ZNF235: variants seen among roughly 807,000 people sequenced by gnomAD.
ZNF235 encodes zinc finger protein 235, also known as zfp-93.
ZNF235 carries 25 observed loss-of-function variants against 29.4 expected under a neutral mutation model. The ratio of observed to expected loss-of-function variants is 0.85; its 90% confidence interval spans 0.62 to 1.19. ZNF235 has a LOEUF of 1.19. Among genes scored for constraint, ZNF235 ranks in the 50% most tolerant of loss-of-function variants. ZNF235 has a pLI of 0.00. For missense variants in ZNF235, 788 were observed against 885.0 expected (o/e 0.89, Z 1.39); for synonymous variants, 300 against 295.3 (o/e 1.02, Z -0.16).
Position 44,287,123 on chromosome 19 carries a change from A to T in ZNF235, c.*95T>A. 7.7e-7 allele frequency: 1 copy of T among 1,295,284 alleles called. No homozygotes were observed. 80.2% of individuals were successfully genotyped at this position (1,295,284 alleles called of 1,614,324 possible). On this transcript the variant is annotated 3_prime_UTR_variant, in exon 5 of 5. Coordinates refer to ENST00000291182, the MANE Select transcript of ZNF235 (RefSeq NM_004234.4). ...CCTGTCAAGATTCTTTGAAGCTTCT[A>T]GTTTTAAAGGAACTTTTCACAATCA...
In ZNF235 at chr19:44,296,265, C is replaced by T. The variant is rs143765399; in HGVS notation, c.238+2543G>A. Among the ~76,000 whole-genome samples the T allele has an allele frequency of 4.1e-4, 62 of 152,202 alleles. 1 individual carries two copies. In the East Asian group the frequency reaches 0.01, roughly 25 times the overall value. On this transcript the variant is annotated intron_variant, in intron 4 of 4. Coordinates refer to ENST00000291182, the MANE Select transcript of ZNF235 (RefSeq NM_004234.4). Reference sequence around the variant, plus strand: ...AGGAACAGCAGAAAGTTGATAACTGCTAAGACAGTATGGATATACAGAGTC... The same window carrying T: ...AGGAACAGCAGAAAGTTGATAACTGTTAAGACAGTATGGATATACAGAGTC...
Position 44,289,015 on chromosome 19 carries a change from G to A in ZNF235, c.420C>T (p.Pro140=), listed in dbSNP as rs1975546457. ...TAGATTCTCCTGCTCCCACTTGACA[G>A]GGGGAATCATGGTGCTTGGGGAACT... The part of the protein sequence containing the change: ...SSQFPKHHDS[P]CQVGAGESIQ... Residue 140 remains proline, a synonymous_variant, in exon 5 of 5, where the codon CCC becomes CCT. Coordinates refer to ENST00000291182, the MANE Select transcript of ZNF235 (RefSeq NM_004234.4). The A allele has an allele frequency of 1.9e-6, 3 of 1,614,152 alleles. No individual in the cohort carries two copies. Among genetic ancestry groups the A allele is most frequent in the Non-Finnish European group, 2.5e-6 (3 of 1,180,010 alleles).
Position 44,287,853 on chromosome 19 carries a change from A to C in ZNF235, c.1582T>G (p.Ser528Ala). ...NVCGKGFSQSSYFQAHQRVHT... is the reference protein window; with the variant it reads ...NVCGKGFSQSAYFQAHQRVHT... Reference sequence around the variant, plus strand: ...ACTCTCTGATGTGCTTGAAAGTATGAACTCTGACTGAAGCCTTTCCCACAC... The same window carrying C: ...ACTCTCTGATGTGCTTGAAAGTATGCACTCTGACTGAAGCCTTTCCCACAC... The change falls in exon 5 of 5, where the codon TCA becomes GCA. Residue 528 changes from serine (S) to alanine (A), a missense_variant. Ser to Ala is a moderately conservative substitution (Grantham distance 99). Coordinates refer to ENST00000291182, the MANE Select transcript of ZNF235 (RefSeq NM_004234.4). 1 of 1,613,610 alleles carries C rather than the reference A, an allele frequency of 6.2e-7. No individual in the cohort carries two copies. The highest frequency in any genetic ancestry group is 8.5e-7 in the Non-Finnish European group (1 of 1,179,898).
At chr19:44,303,560 G>A (rs1387016524) in intron 1 of ZNF235, 108 bp from the exon 2 acceptor site, 3 of 952,570 alleles carry the variant, frequency 3.1e-6, no homozygotes, top group East Asian at 2.9e-5. Context: ...GGCAGACACA[G>A]TTGCACACGG....
chr19:44,292,397 C>G (rs1975596773), intron 4 of ZNF235, among the ~76,000 whole-genome samples: 1 of 149,936 alleles, frequency 6.7e-6, no homozygotes, highest in South Asian at 2.1e-4. Flanking sequence ...TTTTAAAAAG[C>G]CAAACAAATA....
intron 4 of ZNF235, chr19:44,290,884 A>G: frequency 6.6e-6 from 1 of 152,592 alleles, no homozygotes; most frequent in Non-Finnish European, 1.5e-5. Context: ...GGTTTTCCAG[A>G]ATGTGCAAAA....
intron 3 of ZNF235, 113 bp from the exon 4 acceptor site, chr19:44,299,016 G>A: frequency 3.0e-6 from 2 of 664,070 alleles, no homozygotes; most frequent in Non-Finnish European, 2.5e-6. Context: ...AATGTTTAGG[G>A]AACATTTTTT....
At chr19:44,304,689 T>A in intron 1 of ZNF235, 4 of 981,188 alleles carry the variant, frequency 4.1e-6, no homozygotes, top group Non-Finnish European at 4.8e-6. Context: ...AAGGAGAGAT[T>A]AAGTAACTTG....
rs1184003090 is a variant in ZNF235, at chr19:44,288,426, G to A, written c.1009C>T (p.His337Tyr). ...GFSQSSNLQTHQRVHTGEKPY... is the reference protein window; with the variant it reads ...GFSQSSNLQTYQRVHTGEKPY... ...TTCTCCCCTGTGTGGACTCTCTGAT[G>A]AGTTTGCAGATTTGAGCTCTGACTG... The change falls in exon 5 of 5, where the codon CAT (histidine) becomes TAT (tyrosine). Residue 337 changes from histidine (H) to tyrosine (Y), a missense_variant. By Grantham distance (83) the His-to-Tyr change is moderately conservative. Transcript: ENST00000291182. 1.9e-6 allele frequency: 3 copies of A among 1,614,078 alleles called. No homozygotes were observed. Among genetic ancestry groups the A allele is most frequent in the Admixed American group, 1.7e-5 (1 of 60,004 alleles).
At chr19:44,294,827 A>C (rs1454957953) in intron 4 of ZNF235, among the ~76,000 whole-genome samples, 1 of 152,212 alleles carries the variant, frequency 6.6e-6, no homozygotes, top group Admixed American at 6.5e-5. Flanking sequence ...AACAGAATTA[A>C]AAACAAAAAC....
intron 1 of ZNF235, 105 bp from the exon 2 acceptor site, chr19:44,303,557 A>G (rs1297008269): frequency 1.0e-6 from 1 of 972,576 alleles, no homozygotes; most frequent in Admixed American, 2.2e-5. Flanking sequence ...CTAGGCAGAC[A>G]CAGTTGCACA....
At chr19:44,295,880 T>C (rs1249341163) in intron 4 of ZNF235, among the ~76,000 whole-genome samples, 2 of 152,158 alleles carry the variant, frequency 1.3e-5, no homozygotes, top group Admixed American at 6.5e-5. Flanking sequence ...TTAATCCATC[T>C]TGAGTTCATT....
rs369962631 is a variant in ZNF235, at chr19:44,298,398, C to CTT, written c.238+408_238+409dup. Reference sequence around the variant, plus strand: ...ACATGATGTGACAGATGTTTTCATTCTTTTTTTTTTTTTCCTGAGACAGAG... The same window carrying CTT: ...ACATGATGTGACAGATGTTTTCATTCTTTTTTTTTTTTTTTCCTGAGACAGAG... On this transcript the variant is annotated intron_variant, in intron 4 of 4. Transcript: ENST00000291182. Among the ~76,000 whole-genome samples, 364 of 145,184 alleles carry CTT rather than the reference C, an allele frequency of 2.5e-3. 3 individuals carry two copies. The highest frequency in any genetic ancestry group is 0.011 in the Middle Eastern group (3 of 278).
At chr19:44,294,211 T>C (rs982882872) in intron 4 of ZNF235, among the ~76,000 whole-genome samples, 6 of 151,874 alleles carry the variant, frequency 4.0e-5, no homozygotes, top group Non-Finnish European at 5.9e-5. Context: ...TAATCAGAAA[T>C]GAATGAGACA....
intron 4 of ZNF235, among the ~76,000 whole-genome samples, chr19:44,293,470 A>G (rs538078327): frequency 1.7e-3 from 260 of 152,206 alleles, no homozygotes; most frequent in Non-Finnish European, 3.1e-3. Context: ...CAGCAATACA[A>G]TAACAGTGGG....
At chr19:44,304,129 T>C (rs889188612) in intron 1 of ZNF235, among the ~76,000 whole-genome samples, 2 of 152,168 alleles carry the variant, frequency 1.3e-5, no homozygotes, top group Non-Finnish European at 2.9e-5. Context: ...ACAGATGTAA[T>C]TACTTGCAAA....
rs990378082 is a variant in ZNF235, at chr19:44,304,807, G to A, written c.-49+164C>T. On this transcript the variant is annotated intron_variant, in intron 1 of 4. Coordinates refer to ENST00000291182, the MANE Select transcript of ZNF235 (RefSeq NM_004234.4). Reference sequence around the variant, plus strand: ...AGGACGACGCGAGCCCGCCTCCCACGCAAGAGGTTCTGCCGAGGGGACGCA... The same window carrying A: ...AGGACGACGCGAGCCCGCCTCCCACACAAGAGGTTCTGCCGAGGGGACGCA... 3 of 985,314 alleles carry A rather than the reference G, an allele frequency of 3.0e-6. No individual in the cohort carries two copies. The African/African-American group carries it at 5.2e-5, about 17-fold the overall frequency. The allele number at this position is 985,314 out of a possible 1,614,324, so 61.0% of individuals were successfully genotyped here.
Position 44,288,366 on chromosome 19 carries a change from T to C in ZNF235, c.1069A>G (p.Asn357Asp), listed in dbSNP as rs758274902. Residue 357 changes from asparagine to aspartate, a missense_variant, in exon 5 of 5, where the codon AAT becomes GAT. Asn to Asp is a conservative substitution (Grantham distance 23, BLOSUM62 1). Coordinates refer to ENST00000291182, the MANE Select transcript of ZNF235 (RefSeq NM_004234.4). ...TGAGCATAAAGATGTGAGCTCTGAT[T>C]AAAGCTCTTACCACACTCGTGGCAT... ...YTCHECGKSF[N>D]QSSHLYAHLP... is the part of the protein sequence containing the mutation. 1.2e-6 allele frequency: 2 copies of C among 1,614,146 alleles called. No individual in the cohort carries two copies. The highest frequency in any genetic ancestry group is 1.1e-5 in the South Asian group (1 of 91,084).
Position 44,287,094 on chromosome 19 carries a change from C to T in ZNF235, c.*124G>A. 1 of 1,020,472 alleles carries T rather than the reference C, an allele frequency of 9.8e-7. No homozygotes were observed. The highest frequency in any genetic ancestry group is 1.4e-6 in the Non-Finnish European group (1 of 718,738). The allele number at this position is 1,020,472 out of a possible 1,614,324, so 63.2% of individuals were successfully genotyped here. A position where few individuals can be genotyped will look rare whatever the true frequency, so the allele number is the denominator to read the frequency against. The stretch of plus-strand genomic sequence containing the variant: ...CTAAAACACAGCATTTGAGAGACTT[C>T]TTTCCTGTCAAGATTCTTTGAAGCT... On this transcript the variant is annotated 3_prime_UTR_variant, in exon 5 of 5. Transcript: ENST00000291182.
Sources: allele counts gnomAD v4.1 joint callset (sites outside exome capture counted in the v4.1 genomes callset), GRCh38; gene constraint gnomAD v4.1.1; transcripts MANE v1.5; gene names NCBI Gene and HGNC (gene_info 2026-07-23, HGNC 2026-07-21).